Variants in BCKDHB observed in about 807,000 individuals in gnomAD.
BCKDHB encodes branched chain keto acid dehydrogenase E1 subunit beta.
In BCKDHB, 41 loss-of-function variants were observed where a neutral mutation model predicts 48.5. That is an observed-to-expected ratio of 0.85 (90% CI 0.66 to 1.10). The LOEUF (loss-of-function observed/expected upper bound fraction) is 1.10, where lower values mean the gene tolerates loss of function less well. BCKDHB is among the 50% of genes least tolerant of loss of function. The probability of loss-of-function intolerance (pLI) is 0.00; values close to 1 mark genes in which losing one functional copy is unlikely to be tolerated. For synonymous variants in BCKDHB, 201 were observed against 174.8 expected, an observed-to-expected ratio of 1.15 and a Z score of -1.18; for missense variants, 496 against 494.2, an observed-to-expected ratio of 1.00 and a Z score of -0.03.
intron 9 of BCKDHB, among the ~76,000 whole-genome samples, chr6:80,278,907 C>T (rs535413388): frequency 1.3e-5 from 2 of 152,198 alleles, no homozygotes; most frequent in Admixed American, 6.5e-5. Flanking sequence ...CAAGGTTTGA[C>T]CTGTTGAGCT....
downstream of BCKDHB, among the ~76,000 whole-genome samples, chr6:80,350,322 G>A (rs571006954): frequency 1.1e-4 from 17 of 150,626 alleles, no homozygotes; most frequent in African/African-American, 4.1e-4. Flanking sequence ...CAAGAAAAAC[G>A]AAAAATAAAA....
chr6:80,262,011 C>T (rs1049001568), intron 8 of BCKDHB, among the ~76,000 whole-genome samples: 4 of 152,126 alleles, frequency 2.6e-5, no homozygotes, highest in Non-Finnish European at 5.9e-5. Flanking sequence ...CCTCAGGTTT[C>T]CACCCAAAGG....
chr6:80,389,013 T>A, the BCKDHB span, among the ~76,000 whole-genome samples: 2 of 152,166 alleles, frequency 1.3e-5, no homozygotes, highest in African/African-American at 4.8e-5. Context: ...GAAGCATGAT[T>A]GGAAAATTGG....
At chr6:80,283,463 A>C (rs1215384056) in intron 9 of BCKDHB, among the ~76,000 whole-genome samples, 1 of 152,118 alleles carries the variant, frequency 6.6e-6, no homozygotes, top group Non-Finnish European at 1.5e-5. Context: ...AGGTGCATTC[A>C]TACCAAGCTC....
At chr6:80,168,390 CAAAA>C (rs1313108347) in intron 4 of BCKDHB, among the ~76,000 whole-genome samples, 5 of 86,472 alleles carry the variant, frequency 5.8e-5, no homozygotes, top group African/African-American at 1.4e-4. Flanking sequence ...GACCCTGTCT[CAAAA>C]AGAAAGAAGG....
At chr6:80,316,293 CAT>C (rs1768439694) in intron 9 of BCKDHB, among the ~76,000 whole-genome samples, 1 of 152,136 alleles carries the variant, frequency 6.6e-6, no homozygotes, top group African/African-American at 2.4e-5. Context: ...TTCCTTGAAT[CAT>C]AATGATTTTG....
chr6:80,157,644 A>ATT (rs70981407), intron 3 of BCKDHB, among the ~76,000 whole-genome samples: 4 of 137,462 alleles, frequency 2.9e-5, no homozygotes, highest in South Asian at 2.3e-4. Flanking sequence ...TTTTTTTTGT[A>ATT]TTTTTTTTTT....
chr6:80,448,011 A>G, the BCKDHB span, among the ~76,000 whole-genome samples: 415 of 152,330 alleles, frequency 2.7e-3, 2 homozygotes, highest in African/African-American at 9.6e-3. Context: ...ATTAATAAAA[A>G]TAAGACAAAA....
chr6:80,231,741 C>T (rs1034028792), intron 8 of BCKDHB, among the ~76,000 whole-genome samples: 31 of 152,256 alleles, frequency 2.0e-4, no homozygotes, highest in Admixed American at 3.9e-4. Context: ...CCGAAGCAGG[C>T]GGATTATGAG....
chr6:80,358,774 G>A, the BCKDHB span, among the ~76,000 whole-genome samples: 1 of 152,312 alleles, frequency 6.6e-6, no homozygotes, highest in East Asian at 1.9e-4. Flanking sequence ...ACTTTGTAGC[G>A]ATGGGGACTA....
At chr6:80,191,550 C>T (rs1391101527) in intron 6 of BCKDHB, among the ~76,000 whole-genome samples, 1 of 152,018 alleles carries the variant, frequency 6.6e-6, no homozygotes, top group Non-Finnish European at 1.5e-5. Flanking sequence ...CTAAGCTACC[C>T]CTTCCCCCCC....
the BCKDHB span, among the ~76,000 whole-genome samples, chr6:80,370,168 A>T: frequency 6.6e-6 from 1 of 152,172 alleles, no homozygotes; most frequent in Non-Finnish European, 1.5e-5. Flanking sequence ...AGGCCTATGA[A>T]TAATTAGAGG....
chr6:80,423,242 T>C, the BCKDHB span, among the ~76,000 whole-genome samples: 4 of 152,178 alleles, frequency 2.6e-5, no homozygotes, highest in Non-Finnish European at 4.4e-5. Context: ...CCCTTAACCT[T>C]ACACCATGAT....
chr6:80,127,911 C>T (rs2127726511), intron 2 of BCKDHB, among the ~76,000 whole-genome samples: 1 of 152,066 alleles, frequency 6.6e-6, no homozygotes, highest in Non-Finnish European at 1.5e-5. Flanking sequence ...TTCTTTGGCA[C>T]ATAGAAGAAA....
At chr6:80,279,473 T>C (rs1034959694) in intron 9 of BCKDHB, among the ~76,000 whole-genome samples, 4 of 152,108 alleles carry the variant, frequency 2.6e-5, no homozygotes, top group African/African-American at 7.2e-5. Context: ...TCTCCTTATC[T>C]TTGTCTCCAG....
intron 8 of BCKDHB, among the ~76,000 whole-genome samples, chr6:80,229,091 C>G (rs904007140): frequency 6.6e-6 from 1 of 152,168 alleles, no homozygotes; most frequent in African/African-American, 2.4e-5. Context: ...TTAACAGATA[C>G]TCAGTGAGCA....
downstream of BCKDHB, among the ~76,000 whole-genome samples, chr6:80,347,003 GA>G (rs201565085): frequency 4.7e-4 from 67 of 143,430 alleles, no homozygotes; most frequent in South Asian, 1.1e-3. Context: ...AAAGCAAAAA[GA>G]AAAAAAAAAA....
chr6:80,362,719 A>C, the BCKDHB span, among the ~76,000 whole-genome samples: 2 of 152,248 alleles, frequency 1.3e-5, no homozygotes, highest in Admixed American at 1.3e-4. Flanking sequence ...AGGTAGGGGC[A>C]CATGAGAGAT....
At chr6:80,321,217 C>T (rs564997276) in intron 9 of BCKDHB, among the ~76,000 whole-genome samples, 1 of 152,196 alleles carries the variant, frequency 6.6e-6, no homozygotes, top group South Asian at 2.1e-4. Context: ...TGATGTCTGC[C>T]TTGGGTACAG....
Sources: gnomAD v4.1 joint callset for allele counts (sites outside exome capture counted in the v4.1 genomes callset) on GRCh38, gnomAD v4.1.1 for gene constraint, MANE v1.5 for transcripts, NCBI Gene and HGNC (gene_info 2026-07-23, HGNC 2026-07-21) for gene names.